The following CSMD1 variants were observed in gnomAD, a reference collection of about 807,000 sequenced individuals.
CSMD1 encodes the protein CUB and Sushi multiple domains 1.
A neutral mutation model predicts 417.5 loss-of-function variants in CSMD1; 213 were observed. The observed-to-expected ratio is 0.51, with a 90% CI of 0.46 to 0.57. The LOEUF (loss-of-function observed/expected upper bound fraction) is 0.57, where lower values mean the gene tolerates loss of function less well. Ranked by LOEUF, CSMD1 falls within the 20% of genes least tolerant of loss-of-function variation. The pLI, the probability that CSMD1 is intolerant of heterozygous loss-of-function variation, is 0.00. For synonymous variants in CSMD1, 2,862 were observed against 1,736.8 expected, an observed-to-expected ratio of 1.65 and a Z score of -16.11; for missense variants, 6,923 against 4,529.7, an observed-to-expected ratio of 1.53 and a Z score of -15.17.
chr8:3,465,204 C>T (rs966102758), intron 12 of CSMD1, among the ~76,000 whole-genome samples: 23 of 152,168 alleles, frequency 1.5e-4, no homozygotes, highest in African/African-American at 5.6e-4. Context: ...CTATCCTCCA[C>T]TCACTGTGAT....
At chr8:3,989,482 T>C (rs1435040934) in intron 5 of CSMD1, among the ~76,000 whole-genome samples, 4 of 152,204 alleles carry the variant, frequency 2.6e-5, no homozygotes, top group Non-Finnish European at 4.4e-5. Context: ...ACAAAAAACC[T>C]GGATTCTCTT....
At chr8:4,827,111 G>A (rs1259898052) in intron 1 of CSMD1, among the ~76,000 whole-genome samples, 1 of 152,112 alleles carries the variant, frequency 6.6e-6, no homozygotes, top group Non-Finnish European at 1.5e-5. Flanking sequence ...CCTCAGGTGT[G>A]AAGCAGAATC....
chr8:4,935,238 G>A lies in CSMD1; in HGVS notation c.85+59094C>T, dbSNP rs146701650. Reference sequence around the variant, plus strand: ...GGTCCCTGGATCCAGAGTTCTTCCTGCCCCACACCTTTCTTCTTCAGTTAG... The same window carrying A: ...GGTCCCTGGATCCAGAGTTCTTCCTACCCCACACCTTTCTTCTTCAGTTAG... On this transcript the variant is annotated intron_variant, in intron 1 of 69. Coordinates refer to ENST00000635120, the MANE Select transcript of CSMD1 (RefSeq NM_033225.6). 8.5e-5 allele frequency among the ~76,000 whole-genome samples: 13 copies of A among 152,228 alleles called. No homozygotes were observed. The East Asian group carries it at 1.5e-3, about 18-fold the overall frequency.
intron 3 of CSMD1, among the ~76,000 whole-genome samples, chr8:4,092,553 A>T (rs1277582682): frequency 1.3e-5 from 2 of 152,226 alleles, no homozygotes; most frequent in Non-Finnish European, 2.9e-5. Context: ...AATTATTTTA[A>T]AGAAATGTGA....
chr8:4,263,507 T>A (rs1180196570), intron 3 of CSMD1, among the ~76,000 whole-genome samples: 1 of 152,220 alleles, frequency 6.6e-6, no homozygotes, highest in Non-Finnish European at 1.5e-5. Flanking sequence ...TCTGTGGCAG[T>A]TAATTTACTT....
In CSMD1 at chr8:4,159,275, G is replaced by T. The variant is rs951037053; in HGVS notation, c.416-127176C>A. 2.0e-5 allele frequency among the ~76,000 whole-genome samples: 3 copies of T among 152,242 alleles called. 1 individual carries two copies. The highest frequency in any genetic ancestry group is 3.9e-4 in the East Asian group (2 of 5,170). ...TTTACTCATTGGGGTAGCATTTAGT[G>T]TAAGTTTAATTTATACCTCAAGTAT... On this transcript the variant is annotated intron_variant, in intron 3 of 69. Coordinates refer to ENST00000635120, the MANE Select transcript of CSMD1 (RefSeq NM_033225.6).
chr8:3,914,389 A>G (rs1808669972), intron 5 of CSMD1, among the ~76,000 whole-genome samples: 3 of 151,846 alleles, frequency 2.0e-5, no homozygotes, highest in African/African-American at 7.2e-5. Flanking sequence ...ATACGGGTAC[A>G]GATAAAGATG....
chr8:3,999,816 C>G (rs1314185656), intron 4 of CSMD1, among the ~76,000 whole-genome samples: 1 of 152,134 alleles, frequency 6.6e-6, no homozygotes, highest in Non-Finnish European at 1.5e-5. Flanking sequence ...TGGGTGTTCT[C>G]ATGTTTTAAT....
intron 3 of CSMD1, among the ~76,000 whole-genome samples, chr8:4,223,657 C>CT (rs1801178168): frequency 6.6e-6 from 1 of 152,206 alleles, no homozygotes; most frequent in Non-Finnish European, 1.5e-5. Context: ...AAACCCCAGT[C>CT]TGTCTGTGCT....
At chr8:3,577,328 G>C (rs555057120) in intron 9 of CSMD1, among the ~76,000 whole-genome samples, 1 of 152,186 alleles carries the variant, frequency 6.6e-6, no homozygotes, top group African/African-American at 2.4e-5. Flanking sequence ...GAAGTACCAA[G>C]TTTCACACAA....
Position 3,455,837 on chromosome 8 carries a change from A to C in CSMD1, c.1561+12875T>G, listed in dbSNP as rs1282267900. On this transcript the variant is annotated intron_variant, in intron 12 of 69. Transcript: ENST00000635120. ...GGGAGAACCACTACTCTCTTCAAAG[A>C]TGTCAGACAGGGACATTTAAGTCTG... is the stretch of plus-strand genomic sequence containing the variant. Among the ~76,000 whole-genome samples the C allele has an allele frequency of 1.3e-5, 2 of 152,204 alleles. 1 individual carries two copies. The highest frequency in any genetic ancestry group is 4.1e-4 in the South Asian group (2 of 4,832).
At chr8:3,110,856 T>A (rs1816468668) in intron 42 of CSMD1, among the ~76,000 whole-genome samples, 1 of 152,214 alleles carries the variant, frequency 6.6e-6, no homozygotes, top group Non-Finnish European at 1.5e-5. Flanking sequence ...ATGTAAGTGG[T>A]GTTTTGCGGA....
intron 8 of CSMD1, among the ~76,000 whole-genome samples, chr8:3,601,861 T>G (rs369809483): frequency 6.6e-6 from 1 of 152,148 alleles, no homozygotes; most frequent in South Asian, 2.1e-4. Flanking sequence ...CAGAAATGTG[T>G]TGAAGCAAAG....
intron 26 of CSMD1, among the ~76,000 whole-genome samples, chr8:3,245,939 A>C (rs1799853689): frequency 6.6e-6 from 1 of 152,166 alleles, no homozygotes. Flanking sequence ...TTCAACAATA[A>C]TAGTGTTTTT....
At chr8:3,536,082 C>A (rs543778100) in intron 10 of CSMD1, among the ~76,000 whole-genome samples, 3 of 152,152 alleles carry the variant, frequency 2.0e-5, no homozygotes, top group Non-Finnish European at 2.9e-5. Context: ...TAGAGATGTC[C>A]CCAAGTAGCT....
intron 43 of CSMD1, among the ~76,000 whole-genome samples, chr8:3,109,510 T>A (rs997706698): frequency 5.3e-4 from 81 of 152,122 alleles, no homozygotes; most frequent in African/African-American, 1.9e-3. Context: ...TCAAAGCCAG[T>A]CTCCTTTCTT....
chr8:2,962,668 C>G lies in CSMD1; in HGVS notation c.9455-29G>C, dbSNP rs775785863. ...TGGAAGATAACCAGGAAGAAGTCAG[C>G]CTTCAACGTCCCTGGATCAGCTTCA... On this transcript the variant is annotated intron_variant, in intron 60 of 69. Coordinates refer to ENST00000635120, the MANE Select transcript of CSMD1 (RefSeq NM_033225.6). 5 of 1,602,608 alleles carry G rather than the reference C, an allele frequency of 3.1e-6. No individual in the cohort carries two copies. In the African/African-American group the frequency reaches 6.7e-5, roughly 21 times the overall value.
At chr8:4,982,729 C>T (rs981198502) in intron 1 of CSMD1, among the ~76,000 whole-genome samples, 3 of 152,142 alleles carry the variant, frequency 2.0e-5, no homozygotes, top group Non-Finnish European at 4.4e-5. Context: ...AAGAAAAACA[C>T]ATTTGCTAGG....
chr8:4,070,632 C>A lies in CSMD1; in HGVS notation c.416-38533G>T, dbSNP rs968202283. 2.0e-5 allele frequency among the ~76,000 whole-genome samples: 3 copies of A among 152,140 alleles called. No individual in the cohort carries two copies. In the East Asian group the frequency reaches 5.8e-4, roughly 29 times the overall value. On this transcript the variant is annotated intron_variant, in intron 3 of 69. Transcript: ENST00000635120. ...TCGGCCTCCCAAAGTGCTGGGATTA[C>A]AGGCGTGAGCCACCGTGCCCGGCCA...
Sources: gnomAD v4.1 joint callset for allele counts (sites outside exome capture counted in the v4.1 genomes callset) on GRCh38, gnomAD v4.1.1 for gene constraint, MANE v1.5 for transcripts, NCBI Gene and HGNC (gene_info 2026-07-23, HGNC 2026-07-21) for gene names.